Variants in RIT2 observed in about 807,000 individuals in gnomAD.
RIT2 encodes the protein GTP-binding protein Rit2.
In RIT2, 24 loss-of-function variants were observed where a neutral mutation model predicts 23.7. The ratio of observed to expected loss-of-function variants is 1.01; its 90% CI spans 0.73 to 1.43. The LOEUF (loss-of-function observed/expected upper bound fraction) is 1.43, where lower values mean the gene tolerates loss of function less well. Among genes scored for constraint, RIT2 ranks in the 40% most tolerant of loss-of-function variants. RIT2 has a pLI of 0.00. For missense variants in RIT2, 236 were observed against 266.9 expected (o/e 0.88, Z 0.81); for synonymous variants, 107 against 91.1 (o/e 1.17, Z -0.99).
intron 2 of RIT2, among the ~76,000 whole-genome samples, chr18:42,985,212 T>C (rs1485842792): frequency 6.6e-6 from 1 of 152,136 alleles, no homozygotes; most frequent in Admixed American, 6.6e-5. Context: ...AGAATAAATC[T>C]TGTAAAATGT....
At chr18:43,084,369 G>A (rs771269655) in intron 1 of RIT2, among the ~76,000 whole-genome samples, 2 of 152,122 alleles carry the variant, frequency 1.3e-5, no homozygotes, top group Non-Finnish European at 2.9e-5. Context: ...ATTTGACCCA[G>A]CAATCCCATT....
intron 1 of RIT2, among the ~76,000 whole-genome samples, chr18:43,082,574 AT>A (rs1460193763): frequency 2.0e-5 from 3 of 152,188 alleles, no homozygotes; most frequent in Admixed American, 1.3e-4. Context: ...CTGGTTCAAT[AT>A]ATGCAAATAA....
chr18:42,938,319 A>G (rs1187069515), intron 3 of RIT2, among the ~76,000 whole-genome samples: 1 of 152,214 alleles, frequency 6.6e-6, no homozygotes, highest in Non-Finnish European at 1.5e-5. Flanking sequence ...AGATATCTGC[A>G]ATGAGACCGA....
intron 3 of RIT2, among the ~76,000 whole-genome samples, chr18:42,954,423 G>A (rs975220858): frequency 4.0e-5 from 6 of 148,666 alleles, no homozygotes; most frequent in Admixed American, 6.7e-5. Flanking sequence ...TGTGGCAAAC[G>A]TAATTGCTGT....
At chr18:42,762,784 G>A (rs747297643) in intron 4 of RIT2, among the ~76,000 whole-genome samples, 3 of 152,090 alleles carry the variant, frequency 2.0e-5, no homozygotes, top group Non-Finnish European at 1.5e-5. Context: ...CATTGGATTA[G>A]CAACATTTTT....
chr18:42,943,066 G>A (rs1382366405), intron 3 of RIT2, among the ~76,000 whole-genome samples: 2 of 152,218 alleles, frequency 1.3e-5, no homozygotes, highest in South Asian at 4.1e-4. Flanking sequence ...GATTTACAGT[G>A]AAGAGGGAAA....
chr18:42,777,700 C>A (rs1204450913), intron 4 of RIT2, among the ~76,000 whole-genome samples: 3 of 152,096 alleles, frequency 2.0e-5, no homozygotes, highest in Non-Finnish European at 4.4e-5. Context: ...TAGCTTTAGA[C>A]CACAGTCTTA....
At chr18:42,967,473 C>G (rs1910257392) in intron 3 of RIT2, among the ~76,000 whole-genome samples, 1 of 151,308 alleles carries the variant, frequency 6.6e-6, no homozygotes, top group Admixed American at 6.6e-5. Flanking sequence ...GGGTTCATGC[C>G]ATTCTCCTCC....
At chr18:43,027,823 T>C (rs1911768051) in intron 2 of RIT2, among the ~76,000 whole-genome samples, 1 of 152,082 alleles carries the variant, frequency 6.6e-6, no homozygotes, top group Non-Finnish European at 1.5e-5. Context: ...GGTTTAGGTT[T>C]AATTTGGGTG....
intron 1 of RIT2, among the ~76,000 whole-genome samples, chr18:43,096,584 C>T (rs1450392719): frequency 2.6e-5 from 4 of 151,782 alleles, no homozygotes; most frequent in African/African-American, 7.3e-5. Flanking sequence ...GATACTCTTG[C>T]TTTCACATTT....
intron 4 of RIT2, among the ~76,000 whole-genome samples, chr18:42,765,834 C>T (rs527610502): frequency 9.9e-5 from 15 of 152,184 alleles, no homozygotes; most frequent in Admixed American, 2.0e-4. Context: ...ACCCAGTTTT[C>T]GGTAATTGAA....
At chr18:42,948,275 G>C (rs1909773197) in intron 3 of RIT2, among the ~76,000 whole-genome samples, 1 of 152,060 alleles carries the variant, frequency 6.6e-6, no homozygotes, top group Non-Finnish European at 1.5e-5. Context: ...AATGTTCAAA[G>C]GTATTGGCAA....
At chr18:42,756,347 G>A (rs1383578213) in intron 4 of RIT2, among the ~76,000 whole-genome samples, 2 of 152,106 alleles carry the variant, frequency 1.3e-5, no homozygotes, top group African/African-American at 4.8e-5. Context: ...CTGAGACACG[G>A]GATGGTAATG....
intron 3 of RIT2, among the ~76,000 whole-genome samples, chr18:42,973,601 A>G (rs1186437569): frequency 2.0e-5 from 3 of 151,340 alleles, no homozygotes; most frequent in Non-Finnish European, 4.4e-5. Flanking sequence ...TTCCTCCTTC[A>G]TTTTCTTCTT....
At chr18:42,931,008 G>C (rs1265014590) in intron 3 of RIT2, among the ~76,000 whole-genome samples, 1 of 152,076 alleles carries the variant, frequency 6.6e-6, no homozygotes, top group African/African-American at 2.4e-5. Context: ...GGCATGCACA[G>C]TACTGAACTG....
intron 4 of RIT2, among the ~76,000 whole-genome samples, chr18:42,900,401 C>G (rs1908444011): frequency 6.6e-6 from 1 of 151,986 alleles, no homozygotes; most frequent in Admixed American, 6.6e-5. Context: ...GACGCAGTCA[C>G]TTGTTAAAAT....
intron 4 of RIT2, among the ~76,000 whole-genome samples, chr18:42,776,175 G>A (rs1913667886): frequency 6.6e-6 from 1 of 152,040 alleles, no homozygotes; most frequent in Admixed American, 6.6e-5. Context: ...CCAGGGCTTG[G>A]GCAAATGCAA....
intron 4 of RIT2, among the ~76,000 whole-genome samples, chr18:42,808,507 T>TA (rs1397738163): frequency 2.6e-5 from 4 of 152,058 alleles, no homozygotes; most frequent in East Asian, 1.9e-4. Context: ...GATTTCATGA[T>TA]AAAAATATCT....
At chr18:42,981,589 G>A (rs996044392) in intron 2 of RIT2, among the ~76,000 whole-genome samples, 2 of 151,504 alleles carry the variant, frequency 1.3e-5, no homozygotes, top group African/African-American at 4.8e-5. Flanking sequence ...CATCCCAAAA[G>A]ACACAATCCA....
Sources: allele counts gnomAD v4.1 joint callset (sites outside exome capture counted in the v4.1 genomes callset), GRCh38; gene constraint gnomAD v4.1.1; transcripts MANE v1.5; gene names NCBI Gene and HGNC (gene_info 2026-07-23, HGNC 2026-07-21).